NBEA: variants seen among roughly 807,000 people sequenced by gnomAD.
The protein encoded by NBEA is neurobeachin.
NBEA carries 44 observed loss-of-function variants against 343.4 expected under a neutral mutation model. That is an observed-to-expected ratio of 0.13 (90% CI 0.10 to 0.16). The LOEUF is 0.16. Among genes scored for constraint, NBEA ranks in the 10% least tolerant of loss-of-function variants. NBEA has a pLI of 1.00. For missense variants in NBEA, 2,555 were observed against 3,631.3 expected, an observed-to-expected ratio of 0.70 and a Z score of 7.62; for synonymous variants, 1,175 against 1,238.7, an observed-to-expected ratio of 0.95 and a Z score of 1.08.
chr13:35,267,647 A>G (rs1420029853), intron 34 of NBEA, among the ~76,000 whole-genome samples: 1 of 151,794 alleles, frequency 6.6e-6, no homozygotes, highest in African/African-American at 2.4e-5. Context: ...AATCTCCTAA[A>G]ACTCAACCAC....
intron 1 of NBEA, among the ~76,000 whole-genome samples, chr13:34,978,733 A>G (rs934643090): frequency 6.6e-6 from 1 of 152,122 alleles, no homozygotes; most frequent in African/African-American, 2.4e-5. Context: ...AACCCTTTTG[A>G]GTAAAACTTC....
At chr13:35,333,642 T>C (rs1424334133) in intron 36 of NBEA, among the ~76,000 whole-genome samples, 1 of 152,122 alleles carries the variant, frequency 6.6e-6, no homozygotes, top group Non-Finnish European at 1.5e-5. Flanking sequence ...ATTCATTCTT[T>C]CTAATTAATT....
intron 34 of NBEA, among the ~76,000 whole-genome samples, chr13:35,232,901 A>G (rs2075050143): frequency 6.6e-6 from 1 of 152,082 alleles, no homozygotes; most frequent in Non-Finnish European, 1.5e-5. Context: ...GCTGATGTAT[A>G]TCCTGTCATT....
chr13:35,098,225 A>G (rs2065439040), intron 10 of NBEA, 72 bp from the exon 11 acceptor site: 3 of 1,056,434 alleles, frequency 2.8e-6, no homozygotes, highest in South Asian at 3.0e-5. Context: ...GGCATAATAA[A>G]ATACTGAAGT....
Position 35,232,600 on chromosome 13 carries a change from A to T in NBEA, c.5757A>T (p.Gly1919=). Residue 1919 remains glycine, a synonymous_variant, in exon 34 of 59, where the codon GGA becomes GGT. Coordinates refer to ENST00000379939, the MANE Select transcript of NBEA (RefSeq NM_001385012.1). ...CTCGTACACTTCTTGGCAGTCATGG[A>T]CAAGAGCTATTGATAGAAGGTATGA... ...FLSRTLLGSH[G]QELLIEGLVC... is the part of the protein sequence containing the mutation. 6.5e-7 allele frequency: 1 copy of T among 1,531,090 alleles called. No homozygotes were observed. Among genetic ancestry groups the T allele is most frequent in the Non-Finnish European group, 8.8e-7 (1 of 1,130,384 alleles). The allele number at this position is 1,531,090 out of a possible 1,614,324, so 94.8% of individuals were successfully genotyped here.
intron 52 of NBEA, among the ~76,000 whole-genome samples, chr13:35,650,580 T>C (rs2084470046): frequency 6.6e-6 from 1 of 152,146 alleles, no homozygotes; most frequent in Admixed American, 6.5e-5. Flanking sequence ...CAGGCACCTG[T>C]AATCCCAGCT....
intron 33 of NBEA, among the ~76,000 whole-genome samples, chr13:35,215,699 C>G (rs1196579047): frequency 6.6e-6 from 1 of 151,626 alleles, no homozygotes; most frequent in Non-Finnish European, 1.5e-5. Context: ...CATAATCGAT[C>G]TAACACTTTC....
chr13:35,046,792 A>G (rs1360768944), intron 4 of NBEA, among the ~76,000 whole-genome samples: 1 of 152,130 alleles, frequency 6.6e-6, no homozygotes, highest in Non-Finnish European at 1.5e-5. Context: ...GTGGTTGACC[A>G]TGGGTAACTG....
intron 49 of NBEA, among the ~76,000 whole-genome samples, chr13:35,631,964 T>C (rs2083474203): frequency 6.6e-6 from 1 of 152,228 alleles, no homozygotes; most frequent in South Asian, 2.1e-4. Flanking sequence ...CATGACAGCC[T>C]CTGGGCAGAA....
intron 1 of NBEA, among the ~76,000 whole-genome samples, chr13:34,954,887 A>G (rs544625467): frequency 6.6e-6 from 1 of 152,256 alleles, no homozygotes; most frequent in African/African-American, 2.4e-5. Context: ...TCGATCCCCT[A>G]TTGGTTGAAT....
intron 35 of NBEA, among the ~76,000 whole-genome samples, chr13:35,295,251 G>T (rs923167934): frequency 1.3e-5 from 2 of 151,218 alleles, no homozygotes; most frequent in Admixed American, 6.6e-5. Flanking sequence ...ATATTGTAGT[G>T]TGTTAATAGT....
At chr13:35,344,365 G>A (rs1368098294) in intron 36 of NBEA, among the ~76,000 whole-genome samples, 1 of 151,786 alleles carries the variant, frequency 6.6e-6, no homozygotes, top group Non-Finnish European at 1.5e-5. Context: ...TCCAAGTTAG[G>A]AAAATAACAG....
At chr13:34,953,925 G>C (rs1313083867) in intron 1 of NBEA, among the ~76,000 whole-genome samples, 1 of 152,160 alleles carries the variant, frequency 6.6e-6, no homozygotes, top group Non-Finnish European at 1.5e-5. Context: ...AACTGCGCAA[G>C]CAAGGGATCT....
chr13:35,126,511 G>A (rs373855310), intron 17 of NBEA, among the ~76,000 whole-genome samples: 1 of 152,114 alleles, frequency 6.6e-6, no homozygotes, highest in Non-Finnish European at 1.5e-5. Flanking sequence ...TAGTAGCATA[G>A]TGAAATACAC....
chr13:35,271,943 T>C (rs978557756), intron 34 of NBEA, among the ~76,000 whole-genome samples: 1 of 152,118 alleles, frequency 6.6e-6, no homozygotes, highest in Non-Finnish European at 1.5e-5. Context: ...CAGGATATTA[T>C]CCAGGAGAAT....
chr13:35,562,830 A>T (rs1259994882), intron 44 of NBEA, among the ~76,000 whole-genome samples: 6 of 152,080 alleles, frequency 3.9e-5, no homozygotes, highest in Admixed American at 3.9e-4. Flanking sequence ...TAATTAAACA[A>T]TATTTTGCTG....
At chr13:35,151,529 G>A (rs1404472064) in intron 18 of NBEA, among the ~76,000 whole-genome samples, 1 of 128,228 alleles carries the variant, frequency 7.8e-6, no homozygotes, top group East Asian at 2.2e-4. Flanking sequence ...AGCAAGAAGA[G>A]CAAAACTCTG....
At chr13:35,470,921 G>T (rs1000184735) in intron 40 of NBEA, among the ~76,000 whole-genome samples, 1 of 152,202 alleles carries the variant, frequency 6.6e-6, no homozygotes, top group African/African-American at 2.4e-5. Flanking sequence ...GCTTCAGATC[G>T]ACTGCCTCTC....
At chr13:35,419,251 G>T (rs2044130609) in intron 38 of NBEA, among the ~76,000 whole-genome samples, 1 of 151,984 alleles carries the variant, frequency 6.6e-6, no homozygotes, top group South Asian at 2.1e-4. Flanking sequence ...AGAAGTCCAG[G>T]ATCAAAATAC....
Sources: gnomAD v4.1 joint callset for allele counts (sites outside exome capture counted in the v4.1 genomes callset) on GRCh38, gnomAD v4.1.1 for gene constraint, MANE v1.5 for transcripts, NCBI Gene and HGNC (gene_info 2026-07-23, HGNC 2026-07-21) for gene names.